PDE3B: variants seen among roughly 807,000 people sequenced by gnomAD.
PDE3B encodes phosphodiesterase 3B.
Under a neutral mutation model 116.8 loss-of-function variants are expected in PDE3B, and 66 were observed. That is an observed-to-expected ratio of 0.56 (90% CI 0.46 to 0.69). The LOEUF is 0.69. PDE3B is among the 30% of genes least tolerant of loss of function. The pLI is 0.00. For synonymous variants in PDE3B, 595 were observed against 533.6 expected, an observed-to-expected ratio of 1.12 and a Z score of -1.59; for missense variants, 1,384 against 1,368.1, an observed-to-expected ratio of 1.01 and a Z score of -0.18.
the PDE3B span, chr11:14,879,169 A>G: frequency 6.2e-7 from 1 of 1,613,306 alleles, no homozygotes; most frequent in Non-Finnish European, 8.5e-7. Context: ...TGCTGTCCAG[A>G]AATCGCTCAG....
intron 1 of PDE3B, among the ~76,000 whole-genome samples, chr11:14,763,368 C>G (rs1435090684): frequency 2.6e-5 from 4 of 151,940 alleles, no homozygotes; most frequent in Non-Finnish European, 5.9e-5. Flanking sequence ...GTGCCAAAAC[C>G]TGATTAGAGT....
intron 1 of PDE3B, among the ~76,000 whole-genome samples, chr11:14,664,864 C>G (rs996151757): frequency 6.6e-6 from 1 of 152,174 alleles, no homozygotes; most frequent in Non-Finnish European, 1.5e-5. Context: ...ACCATTCCTC[C>G]TGAAACTATT....
At chr11:14,861,075 A>G in intron 13 of PDE3B, 130 bp from the exon 14 acceptor site, 1 of 637,846 alleles carries the variant, frequency 1.6e-6, no homozygotes, top group Non-Finnish European at 2.7e-6. Context: ...TTTAAAAAGA[A>G]CTATTTGCTG....
chr11:14,824,100 A>G (rs936526528), intron 7 of PDE3B, among the ~76,000 whole-genome samples: 8 of 152,094 alleles, frequency 5.3e-5, no homozygotes, highest in African/African-American at 1.9e-4. Context: ...CCTGGTCCTC[A>G]CTTCTCCTCT....
intron 1 of PDE3B, among the ~76,000 whole-genome samples, chr11:14,700,301 A>AAT (rs1855326324): frequency 6.6e-6 from 1 of 151,754 alleles, no homozygotes; most frequent in South Asian, 2.1e-4. Context: ...ACAAAAGTCT[A>AAT]ATATTTGGAT....
chr11:14,647,745 T>G (rs751559476), intron 1 of PDE3B, among the ~76,000 whole-genome samples: 7 of 152,020 alleles, frequency 4.6e-5, no homozygotes, highest in Non-Finnish European at 8.8e-5. Context: ...CCACTTAAAC[T>G]TCTATCAATA....
At chr11:14,880,085 A>G in the PDE3B span, 2 of 1,598,034 alleles carry the variant, frequency 1.3e-6, no homozygotes, top group South Asian at 2.2e-5. Context: ...AAAAACATGT[A>G]TGAACCCTAC....
chr11:14,755,033 CTGAG>C (rs1344911490), intron 1 of PDE3B, among the ~76,000 whole-genome samples: 1 of 152,200 alleles, frequency 6.6e-6, no homozygotes, highest in African/African-American at 2.4e-5. Context: ...TTACTGAACA[CTGAG>C]TGACTTTGGA....
chr11:14,850,175 C>A (rs1158595655), intron 12 of PDE3B, among the ~76,000 whole-genome samples: 2 of 151,910 alleles, frequency 1.3e-5, no homozygotes. Context: ...AGGATGAGTT[C>A]ATGTCCTTTG....
the PDE3B span, among the ~76,000 whole-genome samples, chr11:14,898,750 C>T: frequency 1.3e-5 from 2 of 151,884 alleles, no homozygotes; most frequent in Non-Finnish European, 1.5e-5. Flanking sequence ...GCTGTCTCAA[C>T]TGTGTGAGAG....
chr11:14,759,433 T>C (rs567679396), intron 1 of PDE3B, among the ~76,000 whole-genome samples: 1 of 152,294 alleles, frequency 6.6e-6, no homozygotes, highest in East Asian at 1.9e-4. Context: ...CATTCCTTTT[T>C]ACACTGACAT....
At chr11:14,706,628 A>G (rs1855543051) in intron 1 of PDE3B, among the ~76,000 whole-genome samples, 1 of 151,996 alleles carries the variant, frequency 6.6e-6, no homozygotes, top group Admixed American at 6.6e-5. Flanking sequence ...ACTAAGCAAT[A>G]TAATGTATTT....
At chr11:14,679,692 T>C (rs140423736) in intron 1 of PDE3B, among the ~76,000 whole-genome samples, 220 of 151,922 alleles carry the variant, frequency 1.4e-3, no homozygotes, top group African/African-American at 4.9e-3. Context: ...GATCCCTACA[T>C]GTGGAGCAGC....
At chr11:14,859,817 C>T (rs1190564348) in intron 13 of PDE3B, among the ~76,000 whole-genome samples, 2 of 152,154 alleles carry the variant, frequency 1.3e-5, no homozygotes, top group African/African-American at 4.8e-5. Flanking sequence ...CCAAAGAACT[C>T]ATATTCACCA....
intron 1 of PDE3B, among the ~76,000 whole-genome samples, chr11:14,668,181 G>A (rs1239680465): frequency 1.3e-5 from 2 of 151,972 alleles, no homozygotes; most frequent in Non-Finnish European, 2.9e-5. Flanking sequence ...CAGTATCGAC[G>A]CTTTGAGCAT....
chr11:14,659,536 G>T (rs906022772), intron 1 of PDE3B, among the ~76,000 whole-genome samples: 2 of 152,134 alleles, frequency 1.3e-5, no homozygotes, highest in Non-Finnish European at 2.9e-5. Context: ...AAGTTCAGGG[G>T]TACATGTGCA....
At chr11:14,665,278 A>G (rs1394051670) in intron 1 of PDE3B, among the ~76,000 whole-genome samples, 2 of 152,212 alleles carry the variant, frequency 1.3e-5, no homozygotes, top group Non-Finnish European at 2.9e-5. Flanking sequence ...CAAAATAATA[A>G]GAGCTATCTA....
chr11:14,879,645 A>G, the PDE3B span, among the ~76,000 whole-genome samples: 2 of 152,006 alleles, frequency 1.3e-5, no homozygotes, highest in Non-Finnish European at 2.9e-5. Context: ...TGCTCTGATA[A>G]CCTATAACAA....
rs1168890074 is a variant in PDE3B, at chr11:14,871,359, C to CTGAT, written c.*1700_*1703dup. 1 of 152,074 alleles carries CTGAT rather than the reference C, an allele frequency of 6.6e-6. No homozygotes were observed. Among genetic ancestry groups the CTGAT allele is most frequent in the African/African-American group, 2.4e-5 (1 of 41,426 alleles). 9.4% of individuals were successfully genotyped at this position (152,074 alleles called of 1,614,324 possible). A position where few individuals can be genotyped will look rare whatever the true frequency, so the allele number is the denominator to read the frequency against. On this transcript the variant is annotated 3_prime_UTR_variant, in exon 16 of 16. Transcript: ENST00000282096. Reference sequence around the variant, plus strand: ...CCACTTATTACTAATAAAATTTTGACTGATAATTTATATTTGCACTTACAA... The same window carrying CTGAT: ...CCACTTATTACTAATAAAATTTTGACTGATTGATAATTTATATTTGCACTTACAA...
Sources: allele counts gnomAD v4.1 joint callset (sites outside exome capture counted in the v4.1 genomes callset), GRCh38; gene constraint gnomAD v4.1.1; transcripts MANE v1.5; gene names NCBI Gene and HGNC (gene_info 2026-07-23, HGNC 2026-07-21).